Variants in CSMD1 observed in about 807,000 individuals in gnomAD.
The protein encoded by CSMD1 is CUB and Sushi multiple domains 1.
Under a neutral mutation model 417.5 loss-of-function variants are expected in CSMD1, and 213 were observed. The ratio of observed to expected loss-of-function variants is 0.51; its 90% CI spans 0.46 to 0.57. The LOEUF (loss-of-function observed/expected upper bound fraction) is 0.57. Among genes scored for constraint, CSMD1 ranks in the 20% least tolerant of loss-of-function variants. The probability of loss-of-function intolerance (pLI) is 0.00; values close to 1 mark genes in which losing one functional copy is unlikely to be tolerated. For missense variants in CSMD1, 6,923 were observed against 4,529.7 expected (o/e 1.53, Z -15.17); for synonymous variants, 2,862 against 1,736.8 (o/e 1.65, Z -16.11).
At chr8:3,225,856 T>C (rs2116882208) in intron 27 of CSMD1, among the ~76,000 whole-genome samples, 1 of 152,336 alleles carries the variant, frequency 6.6e-6, no homozygotes, top group East Asian at 1.9e-4. Flanking sequence ...TTGCAAAATA[T>C]TTTAGATAGG....
intron 26 of CSMD1, among the ~76,000 whole-genome samples, chr8:3,267,149 G>A (rs116677205): frequency 8.9e-4 from 135 of 152,254 alleles, no homozygotes; most frequent in African/African-American, 3.1e-3. Context: ...GGCAGCCAGC[G>A]GGAATGTCTG....
At chr8:3,650,703 C>T (rs1563234128) in intron 7 of CSMD1, among the ~76,000 whole-genome samples, 1 of 152,166 alleles carries the variant, frequency 6.6e-6, no homozygotes, top group Non-Finnish European at 1.5e-5. Flanking sequence ...GCTGGCTTCT[C>T]AAAGAAAGGG....
intron 1 of CSMD1, among the ~76,000 whole-genome samples, chr8:4,689,848 A>G (rs1402693744): frequency 6.6e-6 from 1 of 152,124 alleles, no homozygotes; most frequent in African/African-American, 2.4e-5. Flanking sequence ...TTAATACTAG[A>G]CTCATTGTAT....
At chr8:3,511,784 T>TAACA (rs1340993047) in intron 10 of CSMD1, among the ~76,000 whole-genome samples, 4 of 148,142 alleles carry the variant, frequency 2.7e-5, no homozygotes, top group Admixed American at 1.4e-4. Flanking sequence ...TAACATAACA[T>TAACA]AACATAACAT....
intron 25 of CSMD1, among the ~76,000 whole-genome samples, chr8:3,302,030 G>C (rs1179540457): frequency 6.6e-6 from 1 of 152,010 alleles, no homozygotes; most frequent in Non-Finnish European, 1.5e-5. Flanking sequence ...TGTTTTAGGT[G>C]GGAAATTATT....
chr8:3,879,380 G>C (rs947273365), intron 5 of CSMD1, among the ~76,000 whole-genome samples: 3 of 152,074 alleles, frequency 2.0e-5, no homozygotes, highest in Non-Finnish European at 2.9e-5. Flanking sequence ...TAGACATAAA[G>C]TATTCATACA....
intron 7 of CSMD1, among the ~76,000 whole-genome samples, chr8:3,702,879 A>G (rs1327144641): frequency 6.6e-6 from 1 of 152,214 alleles, no homozygotes; most frequent in Non-Finnish European, 1.5e-5. Flanking sequence ...TTTGGTATTG[A>G]AATAATCTAC....
At position 3,453,299 on chromosome 8, in the gene CSMD1, G is replaced by T. The variant is rs567736379; in HGVS notation, c.1561+15413C>A. ...TCATTTTTTTTGAAGGGTTTTTTGTGTCTCTATTTCGTTCACTTCTGCTCT... is the reference window on the plus strand; with the variant it reads ...TCATTTTTTTTGAAGGGTTTTTTGTTTCTCTATTTCGTTCACTTCTGCTCT... On this transcript the variant is annotated intron_variant, in intron 12 of 69. Transcript: ENST00000635120. Among the ~76,000 whole-genome samples, 8 of 151,976 alleles carry T rather than the reference G, an allele frequency of 5.3e-5. No homozygotes were observed. In the South Asian group the frequency reaches 1.7e-3, roughly 32 times the overall value.
intron 1 of CSMD1, among the ~76,000 whole-genome samples, chr8:4,752,717 G>A (rs1811411760): frequency 6.6e-6 from 1 of 152,094 alleles, no homozygotes; most frequent in Admixed American, 6.6e-5. Flanking sequence ...TTACCTTTGG[G>A]GCAACGAAAA....
chr8:2,948,576 T>C (rs1396843942), intron 68 of CSMD1, among the ~76,000 whole-genome samples: 5 of 152,174 alleles, frequency 3.3e-5, no homozygotes, highest in African/African-American at 4.8e-5. Context: ...AATTGTTTCA[T>C]AGGTAGTATA....
intron 3 of CSMD1, among the ~76,000 whole-genome samples, chr8:4,170,359 G>A (rs150093669): frequency 6.6e-6 from 1 of 151,704 alleles, no homozygotes; most frequent in Admixed American, 6.6e-5. Context: ...CCGTATATTC[G>A]GATAATTTAT....
At chr8:3,416,574 C>T (rs1216549355) in intron 12 of CSMD1, among the ~76,000 whole-genome samples, 2 of 152,192 alleles carry the variant, frequency 1.3e-5, no homozygotes, top group African/African-American at 4.8e-5. Flanking sequence ...AGTTAGCACG[C>T]TTGCTTGTTT....
chr8:4,406,997 G>C (rs934529342), intron 3 of CSMD1, among the ~76,000 whole-genome samples: 1 of 152,102 alleles, frequency 6.6e-6, no homozygotes, highest in Admixed American at 6.6e-5. Context: ...TTTAGGGTTG[G>C]GATTCCACAC....
Position 3,181,218 on chromosome 8 carries a change from T to A in CSMD1, c.5621-4A>T, listed in dbSNP as rs766848841. 8.0e-5 allele frequency: 128 copies of A among 1,595,842 alleles called. No individual in the cohort carries two copies. The highest frequency in any genetic ancestry group is 1.0e-4 in the Non-Finnish European group (120 of 1,163,946). ...AGCAGTGCCGGTACTGTGGTGCCTG[T>A]AAGAAACAATGCAGATAGAATTGTA... On this transcript the variant is annotated splice_polypyrimidine_tract_variant and splice_region_variant and intron_variant, in intron 36 of 69. Transcript: ENST00000635120.
intron 5 of CSMD1, among the ~76,000 whole-genome samples, chr8:3,888,780 G>T (rs893240108): frequency 6.6e-6 from 1 of 151,990 alleles, no homozygotes; most frequent in African/African-American, 2.4e-5. Context: ...CTTCCATTTG[G>T]GTCCTTCCAA....
At chr8:4,252,819 T>C (rs925995272) in intron 3 of CSMD1, among the ~76,000 whole-genome samples, 3 of 152,212 alleles carry the variant, frequency 2.0e-5, no homozygotes, top group African/African-American at 7.2e-5. Flanking sequence ...ATGCCAAGGA[T>C]GCACCAGTGA....
chr8:4,134,521 G>A (rs886156008), intron 3 of CSMD1, among the ~76,000 whole-genome samples: 13 of 152,214 alleles, frequency 8.5e-5, no homozygotes, highest in African/African-American at 2.7e-4. Flanking sequence ...ACTGTGAGAA[G>A]ATAACTCTTG....
intron 8 of CSMD1, among the ~76,000 whole-genome samples, chr8:3,593,040 G>A (rs899723526): frequency 6.6e-6 from 1 of 152,180 alleles, no homozygotes; most frequent in Non-Finnish European, 1.5e-5. Flanking sequence ...GGAGAGGCTG[G>A]AAGCCCTGGC....
chr8:3,857,384 G>A (rs1563150279), intron 5 of CSMD1, among the ~76,000 whole-genome samples: 1 of 152,136 alleles, frequency 6.6e-6, no homozygotes, highest in Non-Finnish European at 1.5e-5. Context: ...TAAAGAGATT[G>A]GCCTATATTT....
Sources: allele counts gnomAD v4.1 joint callset (sites outside exome capture counted in the v4.1 genomes callset), GRCh38; gene constraint gnomAD v4.1.1; transcripts MANE v1.5; gene names NCBI Gene and HGNC (gene_info 2026-07-23, HGNC 2026-07-21).